The following NRXN2 variants were observed in gnomAD, a reference collection of about 807,000 sequenced individuals.
The protein encoded by NRXN2 is neurexin-2-beta.
In NRXN2, 29 loss-of-function variants were observed where a neutral mutation model predicts 128.8. The observed-to-expected ratio is 0.23, with a 90% CI of 0.17 to 0.31. NRXN2 has a LOEUF of 0.31. NRXN2 is among the 10% of genes least tolerant of loss of function. NRXN2 has a pLI of 1.00. For missense variants in NRXN2, 1,881 were observed against 2,452.6 expected, an observed-to-expected ratio of 0.77 and a Z score of 4.92; for synonymous variants, 1,098 against 1,075.2, an observed-to-expected ratio of 1.02 and a Z score of -0.41.
chr11:64,676,970 A>G (rs1255601122), intron 7 of NRXN2, 23 bp downstream of exon 7: 4 of 1,608,908 alleles, frequency 2.5e-6, no homozygotes, highest in Admixed American at 1.7e-5. Flanking sequence ...ACCAAACGGT[A>G]AGACAATTAG....
intron 1 of NRXN2, among the ~76,000 whole-genome samples, chr11:64,722,095 T>C (rs1325498423): frequency 1.3e-5 from 2 of 152,016 alleles, no homozygotes; most frequent in Admixed American, 1.3e-4. Flanking sequence ...CCAGGGAAGA[T>C]TGCTGCTTCA....
Position 64,652,015 on chromosome 11 carries a change from C to T in NRXN2, c.2536+20G>A, listed in dbSNP as rs185998773. 11 of 1,609,116 alleles carry T rather than the reference C, an allele frequency of 6.8e-6. No homozygotes were observed. Among genetic ancestry groups the T allele is most frequent in the Middle Eastern group, 1.6e-4 (1 of 6,084 alleles). ...AGGTCACTGGAGATGTGTCCACCTC[C>T]CTGGGCCCAGACCACCTACCCTCCA... On this transcript the variant is annotated intron_variant, in intron 13 of 22. Coordinates refer to ENST00000265459, the MANE Select transcript of NRXN2 (RefSeq NM_015080.4).
In NRXN2 at chr11:64,690,450, C is replaced by T; in HGVS notation, c.805G>A (p.Gly269Arg). 1 of 1,613,676 alleles carries T rather than the reference C, an allele frequency of 6.2e-7. No homozygotes were observed. The highest frequency in any genetic ancestry group is 1.7e-4 in the Middle Eastern group (1 of 6,012). Residue 269 changes from glycine (G) to arginine (R), a missense_variant, in exon 5 of 23, where the codon GGG (glycine) becomes AGG (arginine). Gly to Arg is a moderately radical substitution (Grantham distance 125). This residue lies in a region of NRXN2 where 997 missense variants were observed against 1,240.8 expected (regional missense o/e 0.80). Coordinates refer to ENST00000265459, the MANE Select transcript of NRXN2 (RefSeq NM_015080.4). ...TCGCCGGCTCCTCCTCTCCCGGCCC[C>T]CCCCTCGGAGAACAGTAAGGACCCT... ...EVGSLLFSEG[G>R]AGRGGAGDVH... is the part of the protein sequence containing the mutation.
chr11:64,643,401 G>C, intron 17 of NRXN2: 1 of 372,338 alleles, frequency 2.7e-6, no homozygotes, highest in Non-Finnish European at 3.6e-6. Context: ...GCAAATCCGG[G>C]TGAGGGGGGA....
chr11:64,707,219 C>T (rs1368027825), intron 2 of NRXN2, among the ~76,000 whole-genome samples: 1 of 151,844 alleles, frequency 6.6e-6, no homozygotes, highest in Non-Finnish European at 1.5e-5. Flanking sequence ...GGTGAAACCC[C>T]GTCTCTACTA....
chr11:64,702,181 GGGGTCAGCCCCCCGCC>G, intron 2 of NRXN2, among the ~76,000 whole-genome samples: 1 of 150,286 alleles, frequency 6.7e-6, no homozygotes, highest in Non-Finnish European at 1.5e-5. Flanking sequence ...GGGAGGTGGA[GGGGTCAGCCCCCCGCC>G]GGGCCAGCCG....
chr11:64,683,734 G>A (rs1313885460), intron 6 of NRXN2, among the ~76,000 whole-genome samples: 1 of 152,130 alleles, frequency 6.6e-6, no homozygotes, highest in Non-Finnish European at 1.5e-5. Context: ...ACCTGCTTTA[G>A]GGTCAATATG....
At chr11:64,608,915 T>G (rs539203461) in intron 22 of NRXN2, among the ~76,000 whole-genome samples, 4 of 152,058 alleles carry the variant, frequency 2.6e-5, no homozygotes, top group Admixed American at 2.6e-4. Context: ...CAGGCAGCCA[T>G]GTAGGGATTG....
chr11:64,678,711 T>C (rs1351594592), intron 6 of NRXN2, among the ~76,000 whole-genome samples: 3 of 152,092 alleles, frequency 2.0e-5, no homozygotes, highest in African/African-American at 4.8e-5. Context: ...TCAGAGGCAC[T>C]GAGGCAGCTT....
intron 7 of NRXN2, chr11:64,675,130 T>G (rs369612476): frequency 1.3e-5 from 2 of 152,184 alleles, no homozygotes; most frequent in African/African-American, 4.8e-5. Context: ...AAGTTCCAAT[T>G]GGCCAGCTCC....
rs969449302 is a variant in NRXN2, at chr11:64,700,618, G to A, written c.731-2826C>T. 2.6e-5 allele frequency among the ~76,000 whole-genome samples: 4 copies of A among 152,132 alleles called. No individual in the cohort carries two copies. The South Asian group carries it at 6.2e-4, about 24-fold the overall frequency. On this transcript the variant is annotated intron_variant, in intron 2 of 22. Coordinates refer to ENST00000265459, the MANE Select transcript of NRXN2 (RefSeq NM_015080.4). The stretch of plus-strand genomic sequence containing the variant: ...TTCTCCACTGCAATCCTAGGTCATC[G>A]TAGCCTCTGGCCTCACTCCTTGTGC...
At chr11:64,692,040 G>C (rs1442325463) in intron 4 of NRXN2, among the ~76,000 whole-genome samples, 1 of 152,166 alleles carries the variant, frequency 6.6e-6, no homozygotes. Context: ...GCTCAGACAG[G>C]ACTCCTGAGT....
At chr11:64,715,930 C>A (rs1472625396) in intron 1 of NRXN2, among the ~76,000 whole-genome samples, 1 of 152,218 alleles carries the variant, frequency 6.6e-6, no homozygotes, top group Non-Finnish European at 1.5e-5. Context: ...CGCCCTCACC[C>A]CCCCACACAC....
At chr11:64,716,087 T>G (rs147359513) in intron 1 of NRXN2, among the ~76,000 whole-genome samples, 8 of 152,210 alleles carry the variant, frequency 5.3e-5, no homozygotes, top group Non-Finnish European at 4.4e-5. Flanking sequence ...CAGCCTCCCT[T>G]CCTCCTTCCC....
At chr11:64,650,348 A>G in intron 15 of NRXN2, 100 bp downstream of exon 15, 1 of 1,217,748 alleles carries the variant, frequency 8.2e-7, no homozygotes, top group Non-Finnish European at 1.2e-6. Context: ...AACTGGGGGC[A>G]GGGAACCGAG....
rs1378105114 is a variant in NRXN2 at position 64,632,494 on chromosome 11, A to G, written c.3586-1921T>C. ...GTCGATCCTCCTCGGTACTATTGTT[A>G]GTAATAATACCACCCAGAATAGTAT... On this transcript the variant is annotated intron_variant, in intron 18 of 22. Transcript: ENST00000265459. The surrounding 1 kb of genome is among the most constrained non-coding windows in gnomAD (Gnocchi z 4.2). Among the ~76,000 whole-genome samples, 1 of 152,190 alleles carries G rather than the reference A, an allele frequency of 6.6e-6. No homozygotes were observed. The highest frequency in any genetic ancestry group is 1.5e-5 in the Non-Finnish European group (1 of 68,024).
intron 22 of NRXN2, among the ~76,000 whole-genome samples, chr11:64,619,358 AG>A (rs2041984803): frequency 6.6e-6 from 1 of 151,140 alleles, no homozygotes; most frequent in African/African-American, 2.4e-5. Context: ...GCCAGCCTCA[AG>A]TATCCCACCC....
In NRXN2 at chr11:64,622,926, C is replaced by T. The variant is rs1192429698; in HGVS notation, c.4000G>A (p.Glu1334Lys). Residue 1334 changes from glutamate to lysine, a missense_variant, in exon 21 of 23, where the codon GAG (glutamate) becomes AAG (lysine). By Grantham distance (56) the Glu-to-Lys change is moderately conservative (BLOSUM62 1). This residue lies in a region of NRXN2 where 108 missense variants were observed against 165.2 expected (regional missense o/e 0.65). Transcript: ENST00000265459. The surrounding 1 kb of genome is among the most constrained non-coding windows in gnomAD (Gnocchi z 4.3). ...AAESDPNVRT[E>K]GHLRLVGEGP... is the part of the protein sequence containing the mutation. Reference sequence around the variant, plus strand: ...TCCCCCACCAGGCGCAGGTGACCCTCAGTCCGCACATTGGGGTCGCTCTCG... The same window carrying T: ...TCCCCCACCAGGCGCAGGTGACCCTTAGTCCGCACATTGGGGTCGCTCTCG... The T allele has an allele frequency of 1.2e-6, 2 of 1,613,262 alleles. No homozygotes were observed. The highest frequency in any genetic ancestry group is 1.7e-6 in the Non-Finnish European group (2 of 1,179,846).
intron 22 of NRXN2, among the ~76,000 whole-genome samples, chr11:64,613,738 C>T (rs2041039937): frequency 6.6e-6 from 1 of 152,190 alleles, no homozygotes; most frequent in South Asian, 2.1e-4. Context: ...GTTACAGAAA[C>T]AAATGTTACT....
Sources: gnomAD v4.1 joint callset for allele counts (sites outside exome capture counted in the v4.1 genomes callset) on GRCh38, gnomAD v4.1.1 for gene constraint, gnomAD v4.1.1 regional missense constraint, Gnocchi (gnomAD v3.1) non-coding constraint, MANE v1.5 for transcripts, NCBI Gene and HGNC (gene_info 2026-07-23, HGNC 2026-07-21) for gene names.